The following ZNF425 variants were observed in gnomAD, a reference collection of about 807,000 sequenced individuals.
ZNF425 encodes the protein zinc finger protein 425.
In ZNF425, 21 loss-of-function variants were observed where a neutral mutation model predicts 17.0. The ratio of observed to expected loss-of-function variants is 1.23; its 90% CI spans 0.88 to 1.78. The LOEUF is 1.78. ZNF425 is among the 40% of genes most tolerant of loss of function. The pLI is 0.00. For missense variants in ZNF425, 868 were observed against 967.3 expected (o/e 0.90, Z 1.36); for synonymous variants, 433 against 384.1 (o/e 1.13, Z -1.49).
chr7:149,120,655 C>T (rs1826334921), intron 1 of ZNF425, among the ~76,000 whole-genome samples: 1 of 152,162 alleles, frequency 6.6e-6, no homozygotes, highest in African/African-American at 2.4e-5. Flanking sequence ...AGTACAGTAA[C>T]ATGCTATACA....
At chr7:149,118,650 A>C (rs1405763997) in intron 1 of ZNF425, 2 of 417,420 alleles carry the variant, frequency 4.8e-6, no homozygotes, top group Non-Finnish European at 9.5e-6. Context: ...CCTCATCTCT[A>C]CTAAAAATTA....
At chr7:149,122,079 CTTT>C (rs1187182130) in intron 1 of ZNF425, among the ~76,000 whole-genome samples, 3 of 129,106 alleles carry the variant, frequency 2.3e-5, no homozygotes, top group African/African-American at 2.9e-5. Context: ...CCACCGCCGG[CTTT>C]TTTTTTTTTT....
intron 2 of ZNF425, among the ~76,000 whole-genome samples, chr7:149,114,638 C>T (rs1263912612): frequency 3.3e-5 from 5 of 151,682 alleles, no homozygotes; most frequent in Non-Finnish European, 7.4e-5. Flanking sequence ...ACCTCATGAT[C>T]CACTCACCTT....
chr7:149,122,660 T>C (rs1826378216), intron 1 of ZNF425, among the ~76,000 whole-genome samples: 1 of 152,142 alleles, frequency 6.6e-6, no homozygotes, highest in Non-Finnish European at 1.5e-5. Flanking sequence ...ACAGGTTTTG[T>C]AGCTGTGTTT....
intron 2 of ZNF425, among the ~76,000 whole-genome samples, chr7:149,115,213 G>A (rs1341217229): frequency 2.0e-5 from 3 of 148,048 alleles, no homozygotes; most frequent in Non-Finnish European, 4.5e-5. Flanking sequence ...ACCTCCCAAA[G>A]TATTGGGATT....
chr7:149,116,819 T>C (rs1250185884), intron 2 of ZNF425, among the ~76,000 whole-genome samples: 1 of 152,100 alleles, frequency 6.6e-6, no homozygotes, highest in Non-Finnish European at 1.5e-5. Flanking sequence ...TTTGCCCTAG[T>C]TTTTCTCTGC....
At chr7:149,112,340 A>C (rs1264709299) in intron 2 of ZNF425, 45 bp from the exon 3 acceptor site, 5 of 1,580,398 alleles carry the variant, frequency 3.2e-6, no homozygotes, top group Non-Finnish European at 4.3e-6. Context: ...TGCATACTTA[A>C]ATAATTTTTT....
chr7:149,105,772 TC>T (rs1405335079), intron 3 of ZNF425, among the ~76,000 whole-genome samples: 1 of 151,764 alleles, frequency 6.6e-6, no homozygotes, highest in African/African-American at 2.4e-5. Flanking sequence ...TGCCTCAGCC[TC>T]CCAAGTAGCT....
rs528184262 is a variant in ZNF425 at position 149,107,401 on chromosome 7, G to A, written c.305-1835C>T. Among the ~76,000 whole-genome samples, 196 of 151,182 alleles carry A rather than the reference G, an allele frequency of 1.3e-3. 2 individuals carry two copies. The highest frequency in any genetic ancestry group is 3.4e-3 in the Middle Eastern group (1 of 294). On this transcript the variant is annotated intron_variant, in intron 3 of 3. Coordinates refer to ENST00000378061, the MANE Select transcript of ZNF425 (RefSeq NM_001001661.3). ...CGCCCAGGCTGGAGTGCAGTAGCGC[G>A]ATCTCTGCTCACTGCAAGCTCCACC... is the stretch of plus-strand genomic sequence containing the variant.
At chr7:149,112,087 C>A in intron 3 of ZNF425, 50 bp downstream of exon 3, 1 of 1,563,252 alleles carries the variant, frequency 6.4e-7, no homozygotes, top group East Asian at 2.3e-5. Flanking sequence ...ATTCAGGAAA[C>A]AAGGCTAGGA....
intron 1 of ZNF425, chr7:149,125,645 C>G (rs1826452657): frequency 6.0e-6 from 1 of 166,538 alleles, no homozygotes; most frequent in Non-Finnish European, 1.3e-5. Flanking sequence ...ACAGATCTTT[C>G]CCACCCGGAT....
In ZNF425 at chr7:149,105,493, A is replaced by G. The variant is rs761687136; in HGVS notation, c.378T>C (p.Ala126=). Reference sequence around the variant, plus strand: ...TCTTTCTCTCTTTCCCTCGTAAGGCAGCACACAAGTCCTGTTTTTGAGGAC... The same window carrying G: ...TCTTTCTCTCTTTCCCTCGTAAGGCGGCACACAAGTCCTGTTTTTGAGGAC... The part of the protein sequence containing the change: ...LNGPQKQDLC[A]ALRGKERKIL... Residue 126 remains alanine, a synonymous_variant, in exon 4 of 4, where the codon GCT becomes GCC. Coordinates refer to ENST00000378061, the MANE Select transcript of ZNF425 (RefSeq NM_001001661.3). 5 of 1,520,474 alleles carry G rather than the reference A, an allele frequency of 3.3e-6. No individual in the cohort carries two copies. The highest frequency in any genetic ancestry group is 4.4e-6 in the Non-Finnish European group (5 of 1,137,952). 94.2% of individuals were successfully genotyped at this position (1,520,474 alleles called of 1,614,324 possible).
chr7:149,112,267 G>T lies in ZNF425; in HGVS notation c.174C>A (p.Ile58=), dbSNP rs1826187422. The T allele has an allele frequency of 1.9e-6, 3 of 1,613,862 alleles. No homozygotes were observed. The highest frequency in any genetic ancestry group is 1.6e-4 in the Middle Eastern group (1 of 6,062). ...LGYAFSKPDL[I]TWMEQGRMLL... Reference sequence around the variant, plus strand: ...GCATTCTCCCTTGTTCCATCCATGTGATCAAATCTGGCTTGGAAAAAGCAT... The same window carrying T: ...GCATTCTCCCTTGTTCCATCCATGTTATCAAATCTGGCTTGGAAAAAGCAT... Residue 58 remains isoleucine, a synonymous_variant, in exon 3 of 4, where the codon ATC becomes ATA. Coordinates refer to ENST00000378061, the MANE Select transcript of ZNF425 (RefSeq NM_001001661.3).
intron 3 of ZNF425, among the ~76,000 whole-genome samples, chr7:149,107,873 T>TTTAA (rs1281991086): frequency 6.6e-6 from 1 of 150,832 alleles, no homozygotes; most frequent in Non-Finnish European, 1.5e-5. Flanking sequence ...TATTTATTTA[T>TTTAA]TTATTTTTGA....
intron 2 of ZNF425, 162 bp from the exon 3 acceptor site, chr7:149,112,457 A>C: frequency 1.7e-6 from 1 of 572,034 alleles, no homozygotes; most frequent in Non-Finnish European, 3.1e-6. Flanking sequence ...AACACAGCAA[A>C]CTCCGTCTCT....
Position 149,110,303 on chromosome 7 carries a change from C to T in ZNF425, c.304+1834G>A, listed in dbSNP as rs539525262. Among the ~76,000 whole-genome samples, 158 of 151,772 alleles carry T rather than the reference C, an allele frequency of 1.0e-3. 1 individual carries two copies. The highest frequency in any genetic ancestry group is 6.8e-3 in the Middle Eastern group (2 of 294). ...TTGTGCAGCCGGGCACGGTAGCTCA[C>T]GCCTGTAATCCCAGCACTTTGGGAA... On this transcript the variant is annotated intron_variant, in intron 3 of 3. Coordinates refer to ENST00000378061, the MANE Select transcript of ZNF425 (RefSeq NM_001001661.3).
chr7:149,114,794 A>AAAAAG lies in ZNF425; in HGVS notation c.146-2504_146-2500dup, dbSNP rs965194513. Among the ~76,000 whole-genome samples, 65 of 151,216 alleles carry AAAAAG rather than the reference A, an allele frequency of 4.3e-4. No individual in the cohort carries two copies. In the East Asian group the frequency reaches 9.1e-3, roughly 21 times the overall value. The stretch of plus-strand genomic sequence containing the variant: ...GAGAACACTGTGAGTAAAAAAAAAA[A>AAAAAG]AAAAGAAAAGAAAAGAAAAGAAAAC... On this transcript the variant is annotated intron_variant, in intron 2 of 3. Transcript: ENST00000378061.
chr7:149,107,320 T>G (rs1436359016), intron 3 of ZNF425, among the ~76,000 whole-genome samples: 1 of 137,676 alleles, frequency 7.3e-6, no homozygotes, highest in East Asian at 2.0e-4. Context: ...ATGATTTATT[T>G]ATTTATTTAT....
chr7:149,104,065 C>T lies in ZNF425; in HGVS notation c.1806G>A (p.Arg602=). 1.2e-6 allele frequency: 2 copies of T among 1,613,380 alleles called. 1 individual carries two copies. Among genetic ancestry groups the T allele is most frequent in the South Asian group, 2.2e-5 (2 of 91,084 alleles). ...GGTAGGGCTTCTCTCCACTGTGCAG[C>T]CTCAGGTGCTCGGTGAGCTGAGACT... ...THQSQLTEHL[R]LHSGEKPYQC... The change falls in exon 4 of 4, where the codon AGG becomes AGA. Residue 602 remains arginine (R), a synonymous_variant. Transcript: ENST00000378061. This position sits in a 1 kb window ranked among gnomAD's most constrained non-coding sequence, Gnocchi z 4.3.
Sources: allele counts gnomAD v4.1 joint callset (sites outside exome capture counted in the v4.1 genomes callset), GRCh38; gene constraint gnomAD v4.1.1; non-coding constraint Gnocchi (gnomAD v3.1); transcripts MANE v1.5; gene names NCBI Gene and HGNC (gene_info 2026-07-23, HGNC 2026-07-21).